The following GRAMD2B variants were observed in gnomAD, a reference collection of about 807,000 sequenced individuals.
GRAMD2B encodes the protein GRAM domain-containing protein 2B.
GRAMD2B carries 41 observed loss-of-function variants against 59.2 expected under a neutral mutation model. The observed-to-expected ratio is 0.69, with a 90% CI of 0.54 to 0.90. The LOEUF is 0.90. Among genes scored for constraint, GRAMD2B ranks in the 40% least tolerant of loss-of-function variants. The pLI, the probability that GRAMD2B is intolerant of heterozygous loss-of-function variation, is 0.00. For missense variants in GRAMD2B, 424 were observed against 500.5 expected (o/e 0.85, Z 1.46); for synonymous variants, 161 against 182.7 (o/e 0.88, Z 0.96).
chr5:126,381,100 T>C (rs1177281082), intron 1 of GRAMD2B, among the ~76,000 whole-genome samples: 1 of 152,232 alleles, frequency 6.6e-6, no homozygotes, highest in African/African-American at 2.4e-5. Context: ...CTGAGGGTTT[T>C]AATCATAAAG....
At chr5:126,360,732 G>C (rs943485233) in intron 1 of GRAMD2B, among the ~76,000 whole-genome samples, 1 of 152,152 alleles carries the variant, frequency 6.6e-6, no homozygotes, top group Non-Finnish European at 1.5e-5. Flanking sequence ...GGTTTGTCAT[G>C]TCACTCAAGC....
At chr5:126,429,921 C>T (rs1305157193) in intron 1 of GRAMD2B, among the ~76,000 whole-genome samples, 2 of 152,216 alleles carry the variant, frequency 1.3e-5, no homozygotes, top group Non-Finnish European at 1.5e-5. Context: ...TTGTCCAATA[C>T]TTCTATCCAT....
At chr5:126,445,218 T>C (rs1002449910) in intron 1 of GRAMD2B, among the ~76,000 whole-genome samples, 2 of 152,182 alleles carry the variant, frequency 1.3e-5, no homozygotes, top group Non-Finnish European at 2.9e-5. Flanking sequence ...TACCCAGTAA[T>C]GGGATTACTG....
At chr5:126,381,353 G>A (rs1755638716) in intron 1 of GRAMD2B, among the ~76,000 whole-genome samples, 1 of 152,048 alleles carries the variant, frequency 6.6e-6, no homozygotes. Context: ...ATATTGGTCT[G>A]CAGTTTTCTT....
At chr5:126,490,321 C>G (rs1773682944) in intron 13 of GRAMD2B, 1 of 146,622 alleles carries the variant, frequency 6.8e-6, no homozygotes, top group Non-Finnish European at 1.5e-5. Flanking sequence ...ATCCTGCCGC[C>G]TTCTTTTGTG....
chr5:126,414,103 T>C (rs1416213543), intron 1 of GRAMD2B, among the ~76,000 whole-genome samples: 3 of 152,136 alleles, frequency 2.0e-5, no homozygotes, highest in Non-Finnish European at 4.4e-5. Context: ...AGACATCCAG[T>C]GCAGAAAAGT....
chr5:126,364,216 T>C (rs1321736926), intron 1 of GRAMD2B, among the ~76,000 whole-genome samples: 1 of 152,158 alleles, frequency 6.6e-6, no homozygotes, highest in African/African-American at 2.4e-5. Flanking sequence ...ATATAGAGAT[T>C]TTCAAATTCC....
chr5:126,401,910 C>T (rs531660423), intron 1 of GRAMD2B, among the ~76,000 whole-genome samples: 6 of 152,052 alleles, frequency 3.9e-5, no homozygotes, highest in Non-Finnish European at 8.8e-5. Context: ...ACCCTGTCAT[C>T]CCAGGTCATA....
At chr5:126,437,869 G>A (rs1445678675) in intron 1 of GRAMD2B, among the ~76,000 whole-genome samples, 1 of 152,196 alleles carries the variant, frequency 6.6e-6, no homozygotes, top group Non-Finnish European at 1.5e-5. Context: ...GACTCTGCAG[G>A]CTGGGTAAGT....
chr5:126,371,182 T>G (rs1754730903), upstream of GRAMD2B: 1 of 408,894 alleles, frequency 2.4e-6, no homozygotes, highest in Non-Finnish European at 3.4e-6. Context: ...CTTAGTGAAC[T>G]AAAAGTTGAA....
At chr5:126,365,868 C>T (rs944318732) in intron 1 of GRAMD2B, among the ~76,000 whole-genome samples, 2 of 152,114 alleles carry the variant, frequency 1.3e-5, no homozygotes, top group African/African-American at 4.8e-5. Flanking sequence ...AAAAGACTTA[C>T]CCAAGCTGGT....
intron 12 of GRAMD2B, among the ~76,000 whole-genome samples, chr5:126,488,248 G>A (rs1031969446): frequency 6.6e-6 from 1 of 152,164 alleles, no homozygotes; most frequent in Non-Finnish European, 1.5e-5. Flanking sequence ...TATTGGCATA[G>A]AGATAAGAAG....
intron 2 of GRAMD2B, among the ~76,000 whole-genome samples, chr5:126,469,140 G>C (rs1277422628): frequency 6.6e-6 from 1 of 152,114 alleles, no homozygotes; most frequent in Non-Finnish European, 1.5e-5. Flanking sequence ...TTCACAACTT[G>C]ATTGTTATTT....
Position 126,493,956 on chromosome 5 carries a change from G to T in GRAMD2B, c.*1000G>T, listed in dbSNP as rs1394221309. 6.6e-6 allele frequency: 1 copy of T among 152,542 alleles called. No individual in the cohort carries two copies. Among genetic ancestry groups the T allele is most frequent in the South Asian group, 2.1e-4 (1 of 4,826 alleles). The allele number at this position is 152,542 out of a possible 1,614,324, so 9.4% of individuals were successfully genotyped here. A position where few individuals can be genotyped will look rare whatever the true frequency, so the allele number is the denominator to read the frequency against. ...TGGTTTTTATTAATAATTGTTTAGG[G>T]TATCATAAGATCTGTAAGTACAAAG... On this transcript the variant is annotated 3_prime_UTR_variant, in exon 14 of 14. Transcript: ENST00000285689.
intron 1 of GRAMD2B, among the ~76,000 whole-genome samples, chr5:126,385,203 A>G (rs1756015358): frequency 6.6e-6 from 1 of 152,104 alleles, no homozygotes; most frequent in South Asian, 2.1e-4. Flanking sequence ...GTGGCAGATA[A>G]AATTATACCG....
chr5:126,461,814 A>C (rs1421427575), intron 1 of GRAMD2B, among the ~76,000 whole-genome samples: 1 of 152,166 alleles, frequency 6.6e-6, no homozygotes, highest in Admixed American at 6.5e-5. Context: ...AAAATAAATA[A>C]ATAAAAATAA....
At chr5:126,428,146 C>G (rs908809059) in intron 1 of GRAMD2B, among the ~76,000 whole-genome samples, 18 of 152,050 alleles carry the variant, frequency 1.2e-4, no homozygotes, top group Non-Finnish European at 2.9e-5. Flanking sequence ...GGTGAGAGAC[C>G]TGGGAGGCAG....
intron 1 of GRAMD2B, among the ~76,000 whole-genome samples, chr5:126,437,735 G>T (rs940789085): frequency 2.6e-5 from 4 of 152,218 alleles, no homozygotes; most frequent in African/African-American, 4.8e-5. Flanking sequence ...AATCCCAAAA[G>T]ATAGTCACCA....
rs1455296690 is a variant in GRAMD2B, at chr5:126,493,958, A to G, written c.*1002A>G. ...GTTTTTATTAATAATTGTTTAGGGTATCATAAGATCTGTAAGTACAAAGGA... is the reference window on the plus strand; with the variant it reads ...GTTTTTATTAATAATTGTTTAGGGTGTCATAAGATCTGTAAGTACAAAGGA... On this transcript the variant is annotated 3_prime_UTR_variant, in exon 14 of 14. Transcript: ENST00000285689. 1 of 152,658 alleles carries G rather than the reference A, an allele frequency of 6.6e-6. No homozygotes were observed. Among genetic ancestry groups the G allele is most frequent in the East Asian group, 1.9e-4 (1 of 5,202 alleles). 9.5% of individuals were successfully genotyped at this position (152,658 alleles called of 1,614,324 possible). A position where few individuals can be genotyped will look rare whatever the true frequency, so the allele number is the denominator to read the frequency against.
Sources: allele counts gnomAD v4.1 joint callset (sites outside exome capture counted in the v4.1 genomes callset), GRCh38; gene constraint gnomAD v4.1.1; transcripts MANE v1.5; gene names NCBI Gene and HGNC (gene_info 2026-07-23, HGNC 2026-07-21).